The following BRME1 variants were observed in gnomAD, a reference collection of about 807,000 sequenced individuals.
BRME1 encodes the protein BRCA2 and MEILB2-associating protein 1.
Under a neutral mutation model 52.6 loss-of-function variants are expected in BRME1, and 31 were observed. The observed-to-expected ratio is 0.59, with a 90% CI of 0.44 to 0.80. The LOEUF (loss-of-function observed/expected upper bound fraction) is 0.80. Ranked by LOEUF, BRME1 falls within the 30% of genes least tolerant of loss-of-function variation. The pLI is 0.00. For missense variants in BRME1, 804 were observed against 860.3 expected, an observed-to-expected ratio of 0.93 and a Z score of 0.82; for synonymous variants, 359 against 353.6, an observed-to-expected ratio of 1.02 and a Z score of -0.17.
chr19:13,892,856 T>C lies in BRME1; in HGVS notation c.323A>G (p.Lys108Arg), dbSNP rs542366571. Reference sequence around the variant, plus strand: ...TTTTCTTGTCACTGTCTTCCTGGATTTTGCAAACTGGGGAACAAACCTCCC... The same window carrying C: ...TTTTCTTGTCACTGTCTTCCTGGATCTTGCAAACTGGGGAACAAACCTCCC... The part of the protein sequence containing the change: ...SFGRFVPQFA[K>R]SRKTVTRKEE... Residue 108 changes from lysine (K) to arginine (R), a missense_variant, in exon 5 of 9, where the codon AAA becomes AGA. Around this residue, in one of 3 missense-constraint regions of BRME1, gnomAD observed 234 missense variants for 258.1 expected, o/e 0.91. Transcript: ENST00000586783. The C allele has an allele frequency of 6.2e-7, 1 of 1,614,128 alleles. No individual in the cohort carries two copies. The highest frequency in any genetic ancestry group is 1.1e-5 in the South Asian group (1 of 91,088).
intron 6 of BRME1, among the ~76,000 whole-genome samples, chr19:13,887,501 G>A (rs910876217): frequency 5.9e-5 from 9 of 152,270 alleles, no homozygotes; most frequent in South Asian, 2.1e-4. Flanking sequence ...TTGGCAGCCC[G>A]TTTAGGAGGG....
chr19:13,893,778 G>A (rs934832801), intron 3 of BRME1, among the ~76,000 whole-genome samples: 8 of 151,886 alleles, frequency 5.3e-5, no homozygotes, highest in Non-Finnish European at 1.0e-4. Flanking sequence ...TTAGCTGGAC[G>A]TGGTGATGTG....
In BRME1 at chr19:13,904,861, C is replaced by T. The variant is rs1471978465; in HGVS notation, c.31+1G>A. The T allele has an allele frequency of 6.2e-7, 1 of 1,613,720 alleles. No homozygotes were observed. The highest frequency in any genetic ancestry group is 1.3e-5 in the African/African-American group (1 of 74,882). ...ACAAGTGTCCATTTGAATGAACGTA[C>T]CTGAGGTCCGCAGCTTCTTCCTCTT... On this transcript the variant is annotated splice_donor_variant, in intron 2 of 8. Transcript: ENST00000586783. LOFTEE classifies it high-confidence loss of function.
rs967361984 is a variant in BRME1 at position 13,883,543 on chromosome 19, T to G, written c.1764-143A>C. ...TCCTCTGTTCACGACAGAACCCTGATGGCCAACCCAGCTGGCTCCACTGCC... is the reference window on the plus strand; with the variant it reads ...TCCTCTGTTCACGACAGAACCCTGAGGGCCAACCCAGCTGGCTCCACTGCC... On this transcript the variant is annotated intron_variant, in intron 7 of 8. Coordinates refer to ENST00000586783, the MANE Select transcript of BRME1 (RefSeq NM_001345843.2). This position sits in a 1 kb window ranked among gnomAD's most constrained non-coding sequence, Gnocchi z 4.2. 2 of 634,666 alleles carry G rather than the reference T, an allele frequency of 3.2e-6. No homozygotes were observed. Among genetic ancestry groups the G allele is most frequent in the Non-Finnish European group, 5.5e-6 (2 of 364,710 alleles). 39.3% of individuals were successfully genotyped at this position (634,666 alleles called of 1,614,324 possible). A position where few individuals can be genotyped will look rare whatever the true frequency, so the allele number is the denominator to read the frequency against.
At chr19:13,891,748 T>G (rs1310722662) in intron 5 of BRME1, among the ~76,000 whole-genome samples, 1 of 148,900 alleles carries the variant, frequency 6.7e-6, no homozygotes, top group East Asian at 2.2e-4. Context: ...GGATTACAGG[T>G]GGGAGCCACT....
rs114949580 is a variant in BRME1 at position 13,903,064 on chromosome 19, G to C, written c.31+1798C>G. On this transcript the variant is annotated intron_variant, in intron 2 of 8. Transcript: ENST00000586783. ...GGGAAAGCTTGGAGAAGGGTAGCTA[G>C]AACTCTCTGAATTATTTTTGCAACT... Among the ~76,000 whole-genome samples, 860 of 152,218 alleles carry C rather than the reference G, an allele frequency of 5.6e-3. 10 individuals carry two copies. The highest frequency in any genetic ancestry group is 0.02 in the African/African-American group (828 of 41,544).
At position 13,883,415 on chromosome 19, in the gene BRME1, AG is replaced by A. The variant is rs1389916784; in HGVS notation, c.1764-16del. On this transcript the variant is annotated splice_polypyrimidine_tract_variant and intron_variant, in intron 7 of 8. Transcript: ENST00000586783. The surrounding 1 kb of genome is among the most constrained non-coding windows in gnomAD (Gnocchi z 4.2). Reference sequence around the variant, plus strand: ...CCACGAAGGTCCTGGCCAGCAGGGAAGGAAATTGAGAGTGGCCCGACCTCAC... The same window carrying A: ...CCACGAAGGTCCTGGCCAGCAGGGAAGAAATTGAGAGTGGCCCGACCTCAC... 5.2e-6 allele frequency: 8 copies of A among 1,525,872 alleles called. No homozygotes were observed. The highest frequency in any genetic ancestry group is 6.1e-6 in the Non-Finnish European group (7 of 1,138,284). The allele number at this position is 1,525,872 out of a possible 1,614,324, so 94.5% of individuals were successfully genotyped here. A position where few individuals can be genotyped will look rare whatever the true frequency, so the allele number is the denominator to read the frequency against.
At position 13,894,354 on chromosome 19, in the gene BRME1, G is replaced by A. The variant is rs145268169; in HGVS notation, c.206+1018C>T. 8.7e-3 allele frequency among the ~76,000 whole-genome samples: 1,323 copies of A among 152,086 alleles called. 24 individuals are homozygous for A. The highest frequency in any genetic ancestry group is 0.03 in the African/African-American group (1,239 of 41,492). ...AGCCTGGCCAACATGGTGAAACCCCGTCTCTACTAAAAATACAAAAATTAG... is the reference window on the plus strand; with the variant it reads ...AGCCTGGCCAACATGGTGAAACCCCATCTCTACTAAAAATACAAAAATTAG... On this transcript the variant is annotated intron_variant, in intron 3 of 8. Transcript: ENST00000586783.
At position 13,888,084 on chromosome 19, in the gene BRME1, C is replaced by T. The variant is rs1265537174; in HGVS notation, c.1668+1104G>A. Among the ~76,000 whole-genome samples the T allele has an allele frequency of 1.3e-5, 2 of 152,124 alleles. No individual in the cohort carries two copies. Among genetic ancestry groups the T allele is most frequent in the Non-Finnish European group, 2.9e-5 (2 of 68,028 alleles). Reference sequence around the variant, plus strand: ...GGATTAGAGGCACACGCCACCATGCCCAGCTAATTTTTGTATTTTGGTAGA... The same window carrying T: ...GGATTAGAGGCACACGCCACCATGCTCAGCTAATTTTTGTATTTTGGTAGA... On this transcript the variant is annotated intron_variant, in intron 6 of 8. Transcript: ENST00000586783. This position sits in a 1 kb window ranked among gnomAD's most constrained non-coding sequence, Gnocchi z 4.1.
intron 6 of BRME1, among the ~76,000 whole-genome samples, chr19:13,886,355 G>T (rs1969019191): frequency 6.6e-6 from 1 of 152,230 alleles, no homozygotes; most frequent in Non-Finnish European, 1.5e-5. Flanking sequence ...GGCAGTGGGG[G>T]CACCACTGTG....
chr19:13,892,606 T>G (rs34994668), intron 5 of BRME1, among the ~76,000 whole-genome samples, 180 bp downstream of exon 5: 50,308 of 151,700 alleles, frequency 0.33, 10,986 homozygotes, highest in African/African-American at 0.63. Flanking sequence ...AGAAAAAAAA[T>G]AAAATAAAGA....
chr19:13,896,333 T>G (rs7246872), intron 2 of BRME1, among the ~76,000 whole-genome samples: 1 of 147,528 alleles, frequency 6.8e-6, no homozygotes, highest in East Asian at 1.9e-4. Flanking sequence ...ATTTAATATA[T>G]ACATACATAT....
chr19:13,892,614 A>C (rs1969583654), intron 5 of BRME1, among the ~76,000 whole-genome samples, 172 bp downstream of exon 5: 2 of 152,170 alleles, frequency 1.3e-5, no homozygotes, highest in African/African-American at 4.8e-5. Flanking sequence ...AATAAAATAA[A>C]GAATTGTTGC....
At position 13,905,065 on chromosome 19, in the gene BRME1, G is replaced by C. The variant is rs149005234; in HGVS notation, c.-21-152C>G. ...GATGGCTCCCACTGGGACACAGGAT[G>C]GGACACAGAGTCACAGCCACTTTGG... On this transcript the variant is annotated intron_variant, in intron 1 of 8. Transcript: ENST00000586783. 2.6e-3 allele frequency among the ~76,000 whole-genome samples: 400 copies of C among 152,220 alleles called. 1 individual carries two copies. The highest frequency in any genetic ancestry group is 9.3e-3 in the African/African-American group (388 of 41,546).
chr19:13,903,694 C>T (rs925577463), intron 2 of BRME1, among the ~76,000 whole-genome samples: 3 of 145,704 alleles, frequency 2.1e-5, no homozygotes, highest in African/African-American at 7.9e-5. Flanking sequence ...AAAATAAAGT[C>T]TCCAAACATT....
Position 13,882,654 on chromosome 19 carries a change from C to T in BRME1, c.*148G>A, listed in dbSNP as rs2145093265. On this transcript the variant is annotated 3_prime_UTR_variant, in exon 9 of 9. Transcript: ENST00000586783. ...CTGGCCAGGTGAGGCCAGGACCTCA[C>T]GGCCTCCTTTGTGTTGTCCATGGAA... The T allele has an allele frequency of 5.8e-6, 6 of 1,041,494 alleles. No individual in the cohort carries two copies. The highest frequency in any genetic ancestry group is 8.5e-6 in the Non-Finnish European group (6 of 707,332). The allele number at this position is 1,041,494 out of a possible 1,614,324, so 64.5% of individuals were successfully genotyped here.
At chr19:13,886,291 C>T (rs1259602556) in intron 6 of BRME1, among the ~76,000 whole-genome samples, 1 of 152,216 alleles carries the variant, frequency 6.6e-6, no homozygotes, top group Admixed American at 6.5e-5. Flanking sequence ...AGAGAAAGGC[C>T]ACAGCCAACC....
In BRME1 at chr19:13,883,171, G is replaced by T; in HGVS notation, c.1856+137C>A. The T allele has an allele frequency of 2.1e-6, 2 of 967,612 alleles. No homozygotes were observed. Among genetic ancestry groups the T allele is most frequent in the Non-Finnish European group, 3.1e-6 (2 of 655,556 alleles). 59.9% of individuals were successfully genotyped at this position (967,612 alleles called of 1,614,324 possible). On this transcript the variant is annotated intron_variant, in intron 8 of 8. Coordinates refer to ENST00000586783, the MANE Select transcript of BRME1 (RefSeq NM_001345843.2). This position sits in a 1 kb window ranked among gnomAD's most constrained non-coding sequence, Gnocchi z 4.2. ...CAAAGGACGGGGGAGGGGGGCCACG[G>T]TGAGGACCCAGCAGCAGTGAGGTGC...
At position 13,889,226 on chromosome 19, in the gene BRME1, C is replaced by A. The variant is rs1205013773; in HGVS notation, c.1630G>T (p.Ala544Ser). Residue 544 changes from alanine (A) to serine (S), a missense_variant, in exon 6 of 9, where the codon GCC becomes TCC. Coordinates refer to ENST00000586783, the MANE Select transcript of BRME1 (RefSeq NM_001345843.2). ...GCTTCGAAGTCAGAGGCGTCCAGGGCATCCTGTATCTGGCTGTCCAGCAGG... is the reference window on the plus strand; with the variant it reads ...GCTTCGAAGTCAGAGGCGTCCAGGGAATCCTGTATCTGGCTGTCCAGCAGG... ...DFLLDSQIQDALDASDFEAPP... is the reference protein window; with the variant it reads ...DFLLDSQIQDSLDASDFEAPP... The A allele has an allele frequency of 6.2e-7, 1 of 1,609,656 alleles. No individual in the cohort carries two copies. The highest frequency in any genetic ancestry group is 1.1e-5 in the South Asian group (1 of 90,618).
Sources: allele counts gnomAD v4.1 joint callset (sites outside exome capture counted in the v4.1 genomes callset), GRCh38; gene constraint gnomAD v4.1.1; regional missense constraint gnomAD v4.1.1; non-coding constraint Gnocchi (gnomAD v3.1); transcripts MANE v1.5; gene names NCBI Gene and HGNC (gene_info 2026-07-23, HGNC 2026-07-21).